The following NCK1 variants were observed in gnomAD, a reference collection of about 807,000 sequenced individuals.
NCK1 encodes the protein SH2/SH3 adapter protein NCK1.
NCK1 carries 19 observed loss-of-function variants against 36.6 expected under a neutral mutation model. The observed-to-expected ratio is 0.52, with a 90% CI of 0.36 to 0.76. The LOEUF is 0.76. Ranked by LOEUF, NCK1 falls within the 30% of genes least tolerant of loss-of-function variation. NCK1 has a pLI of 0.00. For synonymous variants in NCK1, 165 were observed against 156.0 expected (o/e 1.06, Z -0.43); for missense variants, 358 against 445.6 (o/e 0.80, Z 1.77).
chr3:136,916,311 A>C (rs1028931523), intron 1 of NCK1, among the ~76,000 whole-genome samples: 1 of 152,204 alleles, frequency 6.6e-6, no homozygotes, highest in Non-Finnish European at 1.5e-5. Context: ...TTAATATGAA[A>C]AATTCTCAAA....
chr3:136,869,268 T>C (rs1175111842), intron 1 of NCK1, among the ~76,000 whole-genome samples: 1 of 150,074 alleles, frequency 6.7e-6, no homozygotes, highest in Non-Finnish European at 1.5e-5. Flanking sequence ...TTTGTTCCGC[T>C]AGGCCTGATG....
chr3:136,907,683 A>G (rs1939721348), intron 1 of NCK1, among the ~76,000 whole-genome samples: 1 of 152,208 alleles, frequency 6.6e-6, no homozygotes, highest in Admixed American at 6.5e-5. Flanking sequence ...AAGTGTGATT[A>G]TCTCCTCACT....
intron 1 of NCK1, among the ~76,000 whole-genome samples, chr3:136,893,126 T>C (rs1265589003): frequency 7.4e-6 from 1 of 134,934 alleles, no homozygotes; most frequent in Non-Finnish European, 1.6e-5. Context: ...TGTTTCTTTT[T>C]ATGGCTAAGT....
chr3:136,941,570 T>C (rs932254788), intron 2 of NCK1, among the ~76,000 whole-genome samples: 3 of 152,230 alleles, frequency 2.0e-5, no homozygotes, highest in Non-Finnish European at 4.4e-5. Context: ...GTTTCAGTAC[T>C]ATGCATAACT....
At chr3:136,888,497 G>A (rs968031715) in intron 1 of NCK1, among the ~76,000 whole-genome samples, 5 of 151,772 alleles carry the variant, frequency 3.3e-5, no homozygotes, top group Admixed American at 2.0e-4. Context: ...CTGCCTCCCA[G>A]GTTTAAGTGA....
chr3:136,890,346 C>T (rs1175821859), intron 1 of NCK1, among the ~76,000 whole-genome samples: 1 of 152,180 alleles, frequency 6.6e-6, no homozygotes, highest in Non-Finnish European at 1.5e-5. Context: ...GGCCCGCCAG[C>T]GTTGCACGCA....
At chr3:136,920,395 T>G (rs4678274) in intron 1 of NCK1, among the ~76,000 whole-genome samples, 103,070 of 152,042 alleles carry the variant, frequency 0.68, 35,265 homozygotes, top group East Asian at 0.87. Context: ...ATTCATTCAC[T>G]TATTCACTCA....
chr3:136,926,314 G>T (rs921585938), intron 1 of NCK1, among the ~76,000 whole-genome samples: 1 of 150,938 alleles, frequency 6.6e-6, no homozygotes, highest in Non-Finnish European at 1.5e-5. Flanking sequence ...TCGCTCTGCG[G>T]CCCAGGCTGG....
chr3:136,899,754 A>G (rs542216181), intron 1 of NCK1: 39 of 1,175,776 alleles, frequency 3.3e-5, no homozygotes, highest in African/African-American at 2.4e-4. Flanking sequence ...ATGTTTTTCA[A>G]CTCTTTTATC....
Position 136,946,078 on chromosome 3 carries a change from T to C in NCK1, c.722T>C (p.Leu241Pro). 1 of 1,614,008 alleles carries C rather than the reference T, an allele frequency of 6.2e-7. No homozygotes were observed. The highest frequency in any genetic ancestry group is 8.5e-7 in the Non-Finnish European group (1 of 1,179,986). ...KCRKINGMVGLVPKNYVTVMQ... is the reference protein window; with the variant it reads ...KCRKINGMVGPVPKNYVTVMQ... The stretch of plus-strand genomic sequence containing the variant: ...AGGAAGATCAATGGTATGGTTGGTC[T>C]AGTACCAAAAAACTATGTTACCGTT... Residue 241 changes from leucine to proline, a missense_variant, in exon 3 of 4, where the codon CTA becomes CCA. Transcript: ENST00000481752.
chr3:136,878,064 A>G (rs1938822970), intron 1 of NCK1, among the ~76,000 whole-genome samples: 1 of 152,210 alleles, frequency 6.6e-6, no homozygotes, highest in African/African-American at 2.4e-5. Context: ...GCCAGTCACA[A>G]ACGACCACAG....
At chr3:136,923,986 G>C (rs1313067266) in intron 1 of NCK1, among the ~76,000 whole-genome samples, 1 of 152,098 alleles carries the variant, frequency 6.6e-6, no homozygotes, top group East Asian at 1.9e-4. Context: ...ATTTTCCTTT[G>C]AGAATAATCA....
At chr3:136,892,154 T>C (rs4678451) in intron 1 of NCK1, among the ~76,000 whole-genome samples, 103,729 of 152,052 alleles carry the variant, frequency 0.68, 35,666 homozygotes, top group East Asian at 0.87. Flanking sequence ...TCCCAAAGTG[T>C]TGGGATTATA....
At chr3:136,883,216 C>T (rs559531958) in intron 1 of NCK1, among the ~76,000 whole-genome samples, 26 of 152,288 alleles carry the variant, frequency 1.7e-4, no homozygotes, top group African/African-American at 6.0e-4. Context: ...CCCCCATGCC[C>T]AGCCTACTTC....
At chr3:136,883,591 C>G (rs1386635976) in intron 1 of NCK1, among the ~76,000 whole-genome samples, 2 of 152,154 alleles carry the variant, frequency 1.3e-5, no homozygotes, top group Non-Finnish European at 2.9e-5. Context: ...TTAATTTCCT[C>G]TGCTAGAAAG....
intron 1 of NCK1, among the ~76,000 whole-genome samples, chr3:136,897,911 A>G (rs1939431401): frequency 6.6e-6 from 1 of 152,352 alleles, no homozygotes; most frequent in Admixed American, 6.5e-5. Flanking sequence ...TTGAGATCTG[A>G]GCTTCCTAAA....
chr3:136,871,574 A>G (rs1197350700), intron 1 of NCK1, among the ~76,000 whole-genome samples: 1 of 152,100 alleles, frequency 6.6e-6, no homozygotes, highest in Non-Finnish European at 1.5e-5. Flanking sequence ...CCCTCCAATC[A>G]GTGTCTCTTT....
At chr3:136,881,229 A>AT (rs35858169) in intron 1 of NCK1, among the ~76,000 whole-genome samples, 4 of 151,436 alleles carry the variant, frequency 2.6e-5, no homozygotes, top group East Asian at 1.9e-4. Flanking sequence ...ATTTTATTTA[A>AT]TTTTTTTTGA....
chr3:136,903,886 G>A (rs1014318821), intron 1 of NCK1, among the ~76,000 whole-genome samples: 1 of 152,006 alleles, frequency 6.6e-6, no homozygotes, highest in East Asian at 1.9e-4. Flanking sequence ...TGGCTTGGTG[G>A]TTTTCTGTAG....
Sources: allele counts gnomAD v4.1 joint callset (sites outside exome capture counted in the v4.1 genomes callset), GRCh38; gene constraint gnomAD v4.1.1; transcripts MANE v1.5; gene names NCBI Gene and HGNC (gene_info 2026-07-23, HGNC 2026-07-21).